The following ZMYM2 variants were observed in gnomAD, a reference collection of about 807,000 sequenced individuals.
The protein encoded by ZMYM2 is zinc finger MYM-type protein 2.
A neutral mutation model predicts 162.8 loss-of-function variants in ZMYM2; 56 were observed. That is an observed-to-expected ratio of 0.34 (90% CI 0.28 to 0.43). The LOEUF (loss-of-function observed/expected upper bound fraction) is 0.43, where lower values mean the gene tolerates loss of function less well. Ranked by LOEUF, ZMYM2 falls within the 20% of genes least tolerant of loss-of-function variation. The probability of loss-of-function intolerance (pLI) is 1.00; values close to 1 mark genes in which losing one functional copy is unlikely to be tolerated. For missense variants in ZMYM2, 1,275 were observed against 1,621.8 expected (o/e 0.79, Z 3.67); for synonymous variants, 510 against 541.6 (o/e 0.94, Z 0.81).
chr13:20,006,403 G>T lies in ZMYM2; in HGVS notation c.1329G>T (p.Met443Ile). The T allele has an allele frequency of 1.3e-6, 2 of 1,595,462 alleles. No homozygotes were observed. The highest frequency in any genetic ancestry group is 1.1e-5 in the South Asian group (1 of 88,546). Residue 443 changes from methionine to isoleucine, a missense_variant, in exon 6 of 25, where the codon ATG becomes ATT. By Grantham distance (10) the Met-to-Ile change is conservative. Coordinates refer to ENST00000610343, the MANE Select transcript of ZMYM2 (RefSeq NM_197968.4). ...GCCATGAAGTCAGCTTTAAAAATAT[G>T]ACTCATAAGCTGTGCAGTGACCACT... Reference protein sequence around the residue: ...EIRHEVSFKNMTHKLCSDHCF... With the variant: ...EIRHEVSFKNITHKLCSDHCF...
chr13:19,900,176 G>A, the ZMYM2 span, among the ~76,000 whole-genome samples: 1 of 151,950 alleles, frequency 6.6e-6, no homozygotes, highest in Non-Finnish European at 1.5e-5. Context: ...TGGTGTGAGT[G>A]TAATCCCAGC....
intron 6 of ZMYM2, among the ~76,000 whole-genome samples, chr13:20,012,282 T>A (rs1384553053): frequency 6.6e-6 from 1 of 152,156 alleles, no homozygotes; most frequent in Non-Finnish European, 1.5e-5. Context: ...TCCAAGCGAT[T>A]CTTCTGCGTC....
the ZMYM2 span, among the ~76,000 whole-genome samples, chr13:19,885,855 A>AT: frequency 8.6e-4 from 35 of 40,570 alleles, 4 homozygotes; most frequent in Non-Finnish European, 2.6e-3. Flanking sequence ...CTCAAAAAAA[A>AT]AAAAAAAATA....
At chr13:20,051,745 C>T (rs1240039278) in intron 13 of ZMYM2, 147 bp downstream of exon 13, 3 of 746,322 alleles carry the variant, frequency 4.0e-6, no homozygotes, top group Non-Finnish European at 6.1e-6. Context: ...TCGAAGTACC[C>T]TTGTATGTTG....
At chr13:19,897,245 A>G in the ZMYM2 span, among the ~76,000 whole-genome samples, 1 of 152,156 alleles carries the variant, frequency 6.6e-6, no homozygotes, top group African/African-American at 2.4e-5. Flanking sequence ...AAAACAACAA[A>G]AGGCAATAGT....
At chr13:19,974,080 G>A (rs1956571644) in intron 2 of ZMYM2, among the ~76,000 whole-genome samples, 2 of 152,160 alleles carry the variant, frequency 1.3e-5, no homozygotes, top group South Asian at 4.1e-4. Context: ...CTTAAATTCA[G>A]TGAAACCCTA....
chr13:20,022,338 A>G (rs889902285), intron 7 of ZMYM2, among the ~76,000 whole-genome samples: 6 of 152,196 alleles, frequency 3.9e-5, no homozygotes, highest in African/African-American at 1.4e-4. Context: ...GATTGAGGTA[A>G]TGCATTTTTG....
At chr13:20,004,592 G>C (rs1473265126) in intron 4 of ZMYM2, among the ~76,000 whole-genome samples, 1 of 152,178 alleles carries the variant, frequency 6.6e-6, no homozygotes, top group Non-Finnish European at 1.5e-5. Flanking sequence ...TACTGTTGGA[G>C]AGCCATGTTA....
chr13:19,906,038 G>A, the ZMYM2 span, among the ~76,000 whole-genome samples: 1 of 151,892 alleles, frequency 6.6e-6, no homozygotes. Context: ...CACTTTGGGA[G>A]GCTGAGGCAG....
At chr13:19,949,949 A>G in the ZMYM2 span, among the ~76,000 whole-genome samples, 1 of 151,390 alleles carries the variant, frequency 6.6e-6, no homozygotes, top group Non-Finnish European at 1.5e-5. Flanking sequence ...AAGAAGGAAG[A>G]AAGGAAGGAA....
intron 6 of ZMYM2, among the ~76,000 whole-genome samples, chr13:20,016,738 T>C (rs984187552): frequency 1.3e-5 from 2 of 152,228 alleles, no homozygotes; most frequent in Non-Finnish European, 2.9e-5. Flanking sequence ...TTTCTTGTGC[T>C]GAACCATTTC....
At chr13:19,986,807 A>G (rs1401069883) in intron 2 of ZMYM2, among the ~76,000 whole-genome samples, 1 of 151,300 alleles carries the variant, frequency 6.6e-6, no homozygotes, top group African/African-American at 2.4e-5. Context: ...TGCACAGATT[A>G]AAAAAAAATC....
chr13:20,054,230 T>C (rs1287670357), intron 14 of ZMYM2, among the ~76,000 whole-genome samples: 1 of 152,124 alleles, frequency 6.6e-6, no homozygotes, highest in Non-Finnish European at 1.5e-5. Flanking sequence ...TTTTGTGAGT[T>C]TCTTTATTTG....
the ZMYM2 span, among the ~76,000 whole-genome samples, chr13:19,916,145 G>A: frequency 6.6e-6 from 1 of 152,070 alleles, no homozygotes; most frequent in African/African-American, 2.4e-5. Flanking sequence ...ACAGGTGTAA[G>A]CCACCGCACC....
intron 2 of ZMYM2, among the ~76,000 whole-genome samples, chr13:19,980,221 G>A (rs1485283904): frequency 6.6e-6 from 1 of 151,964 alleles, no homozygotes; most frequent in Non-Finnish European, 1.5e-5. Context: ...TTCGGTGTGA[G>A]ACAAGAATTC....
At chr13:19,977,043 T>C (rs1443375274) in intron 2 of ZMYM2, among the ~76,000 whole-genome samples, 1 of 152,254 alleles carries the variant, frequency 6.6e-6, no homozygotes, top group East Asian at 1.9e-4. Context: ...TTGTCTCTTA[T>C]AACCTTTTTT....
the ZMYM2 span, among the ~76,000 whole-genome samples, chr13:19,910,728 A>C: frequency 6.6e-6 from 1 of 152,102 alleles, no homozygotes; most frequent in Non-Finnish European, 1.5e-5. Flanking sequence ...TTTAGGCCAG[A>C]AATTATACTG....
At chr13:20,000,210 CTTT>C (rs1313710477) in intron 3 of ZMYM2, among the ~76,000 whole-genome samples, 2 of 152,160 alleles carry the variant, frequency 1.3e-5, no homozygotes, top group Non-Finnish European at 2.9e-5. Flanking sequence ...GGCGCTAACT[CTTT>C]TTCAGTTTTA....
At chr13:19,873,714 G>T in the ZMYM2 span, among the ~76,000 whole-genome samples, 3 of 152,190 alleles carry the variant, frequency 2.0e-5, no homozygotes, top group Admixed American at 6.5e-5. Context: ...GCCCAGAGTC[G>T]ATTTTAAACA....
Sources: allele counts gnomAD v4.1 joint callset (sites outside exome capture counted in the v4.1 genomes callset), GRCh38; gene constraint gnomAD v4.1.1; transcripts MANE v1.5; gene names NCBI Gene and HGNC (gene_info 2026-07-23, HGNC 2026-07-21).